Variants in PIGG observed in about 807,000 individuals in gnomAD.
PIGG encodes phosphatidylinositol glycan anchor biosynthesis class G (EMM blood group), also known as GPI ethanolamine phosphate transferase 2, catalytic subunit.
Under a neutral mutation model 83.2 loss-of-function variants are expected in PIGG, and 70 were observed. The observed-to-expected ratio is 0.84, with a 90% confidence interval of 0.69 to 1.03. The LOEUF (loss-of-function observed/expected upper bound fraction) is 1.03. Among genes scored for constraint, PIGG ranks in the 50% least tolerant of loss-of-function variants. The pLI is 0.00. For synonymous variants in PIGG, 532 were observed against 519.5 expected (o/e 1.02, Z -0.33); for missense variants, 1,257 against 1,233.6 (o/e 1.02, Z -0.28).
chr4:526,981 T>G, intron 9 of PIGG, 58 bp from the exon 10 acceptor site: 2 of 1,600,522 alleles, frequency 1.2e-6, no homozygotes, highest in Non-Finnish European at 1.7e-6. Context: ...CCACTTGGTG[T>G]AGATTGATCT....
intron 4 of PIGG, 62 bp downstream of exon 4, chr4:507,655 A>C: frequency 2.2e-6 from 3 of 1,388,116 alleles, no homozygotes; most frequent in Non-Finnish European, 3.0e-6. Context: ...CCCTAGAATA[A>C]ATGCAACCGC....
chr4:514,164 C>G (rs1723115422), intron 5 of PIGG, among the ~76,000 whole-genome samples: 1 of 152,168 alleles, frequency 6.6e-6, no homozygotes, highest in South Asian at 2.1e-4. Flanking sequence ...CCAATTACAG[C>G]CAATCTTCTT....
chr4:531,658 A>G (rs1444773076), intron 11 of PIGG: 1 of 152,314 alleles, frequency 6.6e-6, no homozygotes, highest in East Asian at 1.9e-4. Flanking sequence ...CTGAAGCCCA[A>G]AGGTGGTAGG....
chr4:514,794 T>C (rs1723298078), intron 5 of PIGG, among the ~76,000 whole-genome samples: 2 of 152,212 alleles, frequency 1.3e-5, no homozygotes, highest in Admixed American at 1.3e-4. Context: ...AATGACTCAT[T>C]GGCTTTATCC....
chr4:527,856 T>G (rs1728089706), intron 10 of PIGG: 1 of 985,346 alleles, frequency 1.0e-6, no homozygotes, highest in Non-Finnish European at 1.2e-6. Context: ...GAGGCCGTTC[T>G]GGAGGGCAGC....
chr4:499,779 C>G lies in PIGG; in HGVS notation c.154+290C>G, dbSNP rs545306877. 327 of 1,252,300 alleles carry G rather than the reference C, an allele frequency of 2.6e-4. No individual in the cohort carries two copies. The African/African-American group carries it at 4.8e-3, about 18-fold the overall frequency. The allele number at this position is 1,252,300 out of a possible 1,614,324, so 77.6% of individuals were successfully genotyped here. ...CCTCTCCACTTCTACTCGTCCAGAG[C>G]TCCCGCCCCTTTCCTGAGCAGCCTT... is the stretch of plus-strand genomic sequence containing the variant. On this transcript the variant is annotated intron_variant, in intron 1 of 12. Transcript: ENST00000453061.
intron 6 of PIGG, among the ~76,000 whole-genome samples, chr4:519,603 T>C (rs950547308): frequency 1.3e-5 from 2 of 152,228 alleles, no homozygotes; most frequent in Admixed American, 6.5e-5. Flanking sequence ...CCCTGCCTCA[T>C]AGGGTCATTA....
intron 10 of PIGG, among the ~76,000 whole-genome samples, chr4:529,387 T>G (rs901349606): frequency 2.0e-5 from 3 of 152,180 alleles, no homozygotes; most frequent in Non-Finnish European, 4.4e-5. Flanking sequence ...GGGCCCCTCC[T>G]GGCAGCCACA....
rs1720860185 is a variant in PIGG, at chr4:508,852, T to C, written c.783T>C (p.Asn261=). Residue 261 remains asparagine, a synonymous_variant, in exon 5 of 13, where the codon AAT becomes AAC. Coordinates refer to ENST00000453061, the MANE Select transcript of PIGG (RefSeq NM_001127178.3). ...QSKERETPLP[N]LLVLCGDHGM... ...AGGAGAGAGAGACGCCTTTACCCAA[T>C]TTGCTGGTTCTTTGTGGTGACCATG... The C allele has an allele frequency of 1.2e-6, 2 of 1,614,014 alleles. No individual in the cohort carries two copies. Among genetic ancestry groups the C allele is most frequent in the Admixed American group, 3.3e-5 (2 of 60,004 alleles).
chr4:520,391 T>G (rs35956476), intron 6 of PIGG, among the ~76,000 whole-genome samples: 27,002 of 152,140 alleles, frequency 0.18, 3,091 homozygotes, highest in African/African-American at 0.33. Flanking sequence ...TTAAAAGAGG[T>G]TGCCATAGCA....
In PIGG at chr4:528,093, G is replaced by A. The variant is rs913466690; in HGVS notation, c.2261+863G>A. 1 of 985,302 alleles carries A rather than the reference G, an allele frequency of 1.0e-6. No homozygotes were observed. Among genetic ancestry groups the A allele is most frequent in the Non-Finnish European group, 1.2e-6 (1 of 829,880 alleles). The allele number at this position is 985,302 out of a possible 1,614,324, so 61.0% of individuals were successfully genotyped here. On this transcript the variant is annotated intron_variant, in intron 10 of 12. Coordinates refer to ENST00000453061, the MANE Select transcript of PIGG (RefSeq NM_001127178.3). The surrounding 1 kb of genome is among the most constrained non-coding windows in gnomAD (Gnocchi z 4.8). Reference sequence around the variant, plus strand: ...GACAGTGACCGTCCCAGTGAGGTCGGTGCTCTGATAGTGACCCTCTCAGTG... The same window carrying A: ...GACAGTGACCGTCCCAGTGAGGTCGATGCTCTGATAGTGACCCTCTCAGTG...
In PIGG at chr4:507,548, G is replaced by A. The variant is rs910003111; in HGVS notation, c.714G>A (p.Glu238=). 1.9e-6 allele frequency: 3 copies of A among 1,613,876 alleles called. No individual in the cohort carries two copies. Among genetic ancestry groups the A allele is most frequent in the Admixed American group, 1.7e-5 (1 of 59,984 alleles). The part of the protein sequence containing the change: ...NSPLIGQKLS[E]MDSVLMKIHT... The stretch of plus-strand genomic sequence containing the variant: ...CCCTGATTGGGCAGAAGCTGAGCGA[G>A]ATGGACAGCGTGCTGATGAAGATCC... The change falls in exon 4 of 13, where the codon GAG becomes GAA. Residue 238 remains glutamate (E), a synonymous_variant. Coordinates refer to ENST00000453061, the MANE Select transcript of PIGG (RefSeq NM_001127178.3).
chr4:534,651 T>G (rs1053837251), intron 12 of PIGG, among the ~76,000 whole-genome samples: 4 of 152,224 alleles, frequency 2.6e-5, no homozygotes, highest in Non-Finnish European at 5.9e-5. Context: ...CCAGTGAGCC[T>G]GAGGTCTCCT....
chr4:499,358 T>C lies in PIGG; in HGVS notation c.23T>C (p.Phe8Ser), dbSNP rs182168436. Residue 8 changes from phenylalanine (F) to serine (S), a missense_variant, in exon 1 of 13, where the codon TTC becomes TCC. Phe to Ser is a radical substitution (Grantham distance 155, BLOSUM62 -2). Coordinates refer to ENST00000453061, the MANE Select transcript of PIGG (RefSeq NM_001127178.3). ...ACGATGCGGCTGGGCTCCGGGACTT[T>C]CGCTACCTGTTGCGTAGCGATCGAG... MRLGSGT[F>S]ATCCVAIEVL... The C allele has an allele frequency of 1.9e-5, 31 of 1,609,524 alleles. No individual in the cohort carries two copies. The East Asian group carries it at 5.6e-4, about 29-fold the overall frequency.
intron 2 of PIGG, chr4:501,134 A>G (rs1353550858): frequency 4.4e-6 from 2 of 456,216 alleles, no homozygotes; most frequent in East Asian, 6.9e-5. Context: ...TTTGAAGTAC[A>G]TAGTGCATTT....
At position 521,163 on chromosome 4, in the gene PIGG, G is replaced by T; in HGVS notation, c.1222G>T (p.Val408Phe). 6.2e-7 allele frequency: 1 copy of T among 1,614,110 alleles called. No homozygotes were observed. The highest frequency in any genetic ancestry group is 8.5e-7 in the Non-Finnish European group (1 of 1,179,988). ...AGTCCTATTCAACCTGGGCTCCAAG[G>T]TTCTCAGGCAGTACCTGGATGCTCT... ...SEVLFNLGSK[V>F]LRQYLDALKT... is the part of the protein sequence containing the mutation. Residue 408 changes from valine to phenylalanine, a missense_variant, in exon 7 of 13, where the codon GTT becomes TTT. Physicochemically the swap from Val to Phe is conservative, Grantham distance 50 (BLOSUM62 -1). Transcript: ENST00000453061.
At chr4:504,413 A>G (rs1553877559) in intron 2 of PIGG, among the ~76,000 whole-genome samples, 1 of 152,200 alleles carries the variant, frequency 6.6e-6, no homozygotes, top group African/African-American at 2.4e-5. Context: ...TAGAAACACC[A>G]TGGGCACTTG....
In PIGG at chr4:521,910, A is replaced by G; in HGVS notation, c.1583A>G (p.Asn528Ser). Residue 528 changes from asparagine to serine, a missense_variant, in exon 8 of 13, where the codon AAC (asparagine) becomes AGC (serine). Physicochemically the swap from Asn to Ser is conservative, Grantham distance 46 (BLOSUM62 1). Transcript: ENST00000453061. ...LLCVIVSVLTNVLVGGNTPRK... is the reference protein window; with the variant it reads ...LLCVIVSVLTSVLVGGNTPRK... The stretch of plus-strand genomic sequence containing the variant: ...TGTGTGATTGTGTCTGTTCTGACCA[A>G]CGTGCTCGTGGGTGGAAACACCCCA... 1.2e-6 allele frequency: 2 copies of G among 1,614,104 alleles called. No homozygotes were observed. The highest frequency in any genetic ancestry group is 1.7e-6 in the Non-Finnish European group (2 of 1,180,024).
intron 6 of PIGG, among the ~76,000 whole-genome samples, chr4:516,747 T>A (rs1160937235): frequency 1.3e-5 from 2 of 148,584 alleles, no homozygotes; most frequent in Admixed American, 1.4e-4. Flanking sequence ...TCCCAGCTAC[T>A]CAGGAGGCTG....
Sources: gnomAD v4.1 joint callset for allele counts (sites outside exome capture counted in the v4.1 genomes callset) on GRCh38, gnomAD v4.1.1 for gene constraint, Gnocchi (gnomAD v3.1) non-coding constraint, MANE v1.5 for transcripts, NCBI Gene and HGNC (gene_info 2026-07-23, HGNC 2026-07-21) for gene names.